The following TGFB2 variants were observed in gnomAD, a reference collection of about 807,000 sequenced individuals.
TGFB2 encodes transforming growth factor beta-2 proprotein.
TGFB2 carries 13 observed loss-of-function variants against 42.7 expected under a neutral mutation model. The observed-to-expected ratio is 0.30, with a 90% CI of 0.20 to 0.48. TGFB2 has a LOEUF of 0.48. Ranked by LOEUF, TGFB2 falls within the 20% of genes least tolerant of loss-of-function variation. The probability of loss-of-function intolerance (pLI) is 0.99; values close to 1 mark genes in which losing one functional copy is unlikely to be tolerated. For missense variants in TGFB2, 390 were observed against 517.5 expected (o/e 0.75, Z 2.39); for synonymous variants, 193 against 193.6 (o/e 1.00, Z 0.03).
intron 1 of TGFB2, among the ~76,000 whole-genome samples, chr1:218,401,327 G>C (rs1658711532): frequency 6.6e-6 from 1 of 151,896 alleles, no homozygotes; most frequent in Non-Finnish European, 1.5e-5. Flanking sequence ...ATTTTCTCAG[G>C]TTTTTTTTCT....
Position 218,392,405 on chromosome 1 carries a change from C to T in TGFB2, c.347-12764C>T, listed in dbSNP as rs546042413. ...AAAACTGGCTTGATCTAAGTAGGAT[C>T]GAGTGGAAAGGGAATAGATCATCTT... On this transcript the variant is annotated intron_variant, in intron 1 of 6. Transcript: ENST00000366930. Among the ~76,000 whole-genome samples the T allele has an allele frequency of 3.3e-5, 5 of 152,206 alleles. No individual in the cohort carries two copies. The East Asian group carries it at 5.8e-4, about 18-fold the overall frequency.
At chr1:218,351,273 A>AT (rs1558222616) in intron 1 of TGFB2, among the ~76,000 whole-genome samples, 1 of 152,234 alleles carries the variant, frequency 6.6e-6, no homozygotes, top group East Asian at 1.9e-4. Flanking sequence ...TTACTATTTT[A>AT]TTTTTTAGGA....
intron 1 of TGFB2, among the ~76,000 whole-genome samples, chr1:218,352,645 T>C (rs1027613833): frequency 2.6e-5 from 4 of 152,214 alleles, no homozygotes; most frequent in Admixed American, 6.5e-5. Context: ...AGCGCTGATA[T>C]CCAGAAGTGG....
chr1:218,434,810 C>T (rs1036810235), intron 4 of TGFB2, among the ~76,000 whole-genome samples: 1 of 152,102 alleles, frequency 6.6e-6, no homozygotes. Flanking sequence ...CATTGATAAT[C>T]CCCCAAACCA....
At chr1:218,355,783 G>T (rs1183031854) in intron 1 of TGFB2, among the ~76,000 whole-genome samples, 1 of 152,124 alleles carries the variant, frequency 6.6e-6, no homozygotes. Context: ...TATTTTATGT[G>T]CCACTAACAA....
chr1:218,389,932 A>G (rs982749172), intron 1 of TGFB2, among the ~76,000 whole-genome samples: 1 of 152,188 alleles, frequency 6.6e-6, no homozygotes, highest in Non-Finnish European at 1.5e-5. Context: ...TTTAGGATAT[A>G]CTTGAGTACA....
At chr1:218,413,259 G>T (rs1035004847) in intron 2 of TGFB2, among the ~76,000 whole-genome samples, 1 of 152,160 alleles carries the variant, frequency 6.6e-6, no homozygotes, top group Non-Finnish European at 1.5e-5. Flanking sequence ...TGTAAACCCA[G>T]CTACTCTGGA....
At chr1:218,363,607 G>T (rs1362455318) in intron 1 of TGFB2, among the ~76,000 whole-genome samples, 1 of 152,166 alleles carries the variant, frequency 6.6e-6, no homozygotes, top group Non-Finnish European at 1.5e-5. Flanking sequence ...CTGATGAATA[G>T]CTTTGAAGTA....
intron 2 of TGFB2, among the ~76,000 whole-genome samples, chr1:218,419,240 A>G (rs928165189): frequency 6.6e-6 from 1 of 151,800 alleles, no homozygotes. Context: ...GCTCTTCCTC[A>G]GACACTGCAC....
In TGFB2 at chr1:218,409,021, C is replaced by T. The variant is rs145559378; in HGVS notation, c.510+3689C>T. ...TCAGGCATTTGATTATCATAAGGAG[C>T]GTGCAACCTAGATCCCTAGCACGTG... On this transcript the variant is annotated intron_variant, in intron 2 of 6. Coordinates refer to ENST00000366930, the MANE Select transcript of TGFB2 (RefSeq NM_003238.6). Among the ~76,000 whole-genome samples, 640 of 152,264 alleles carry T rather than the reference C, an allele frequency of 4.2e-3. 14 individuals are homozygous for T. The highest frequency in any genetic ancestry group is 0.019 in the East Asian group (99 of 5,168).
intron 1 of TGFB2, among the ~76,000 whole-genome samples, chr1:218,398,770 T>A (rs1034548915): frequency 6.6e-6 from 1 of 152,056 alleles, no homozygotes; most frequent in Non-Finnish European, 1.5e-5. Context: ...GTATTTTTAG[T>A]AGAGACGGGG....
intron 2 of TGFB2, among the ~76,000 whole-genome samples, chr1:218,413,530 C>T (rs987574946): frequency 3.3e-5 from 5 of 152,190 alleles, no homozygotes; most frequent in Admixed American, 6.5e-5. Flanking sequence ...CTGAAGCCAC[C>T]GCTAGCATGG....
chr1:218,417,921 T>C (rs1659333665), intron 2 of TGFB2, among the ~76,000 whole-genome samples: 1 of 152,234 alleles, frequency 6.6e-6, no homozygotes, highest in Admixed American at 6.5e-5. Context: ...TGCCTAGATT[T>C]CAGAAGATGT....
At chr1:218,356,983 G>A (rs998493888) in intron 1 of TGFB2, among the ~76,000 whole-genome samples, 2 of 152,034 alleles carry the variant, frequency 1.3e-5, no homozygotes, top group African/African-American at 4.8e-5. Context: ...AGGCTGAGGC[G>A]GGTGGATCAC....
intron 1 of TGFB2, among the ~76,000 whole-genome samples, chr1:218,369,256 G>GGAA (rs1657490733): frequency 2.8e-5 from 1 of 35,646 alleles, no homozygotes; most frequent in East Asian, 1.0e-3. Context: ...TTCCGTCTCA[G>GGAA]AAAAAAAAAA....
chr1:218,418,168 C>G (rs1430804058), intron 2 of TGFB2, among the ~76,000 whole-genome samples: 1 of 152,238 alleles, frequency 6.6e-6, no homozygotes. Context: ...ACACTCAACA[C>G]TAGCCCATAA....
Position 218,437,509 on chromosome 1 carries a change from C to T in TGFB2, c.1086+13C>T, listed in dbSNP as rs760015562. 34 of 1,601,654 alleles carry T rather than the reference C, an allele frequency of 2.1e-5. No individual in the cohort carries two copies. The highest frequency in any genetic ancestry group is 2.7e-5 in the Non-Finnish European group (32 of 1,174,618). The stretch of plus-strand genomic sequence containing the variant: ...TCAGCACAGCAGGGTGAGTGTTCAG[C>T]TTACCTGTTGCCTCTGTTCTTGGGT... On this transcript the variant is annotated intron_variant, in intron 6 of 6. Transcript: ENST00000366930.
Position 218,346,657 on chromosome 1 carries a change from T to TA in TGFB2, c.-44dup, listed in dbSNP as rs758747010. On this transcript the variant is annotated 5_prime_UTR_variant, in exon 1 of 7. Coordinates refer to ENST00000366930, the MANE Select transcript of TGFB2 (RefSeq NM_003238.6). This position sits in a 1 kb window ranked among gnomAD's most constrained non-coding sequence, Gnocchi z 4.9. ...TTGAGAATTGTTGATTTCTTTTTTT[T>TA]ATTCTGACTTTTAAAAACAACTTTT... 1 of 1,500,048 alleles carries TA rather than the reference T, an allele frequency of 6.7e-7. No individual in the cohort carries two copies. Among genetic ancestry groups the TA allele is most frequent in the South Asian group, 1.2e-5 (1 of 81,202 alleles). 92.9% of individuals were successfully genotyped at this position (1,500,048 alleles called of 1,614,324 possible). A position where few individuals can be genotyped will look rare whatever the true frequency, so the allele number is the denominator to read the frequency against.
intron 2 of TGFB2, among the ~76,000 whole-genome samples, 157 bp from the exon 3 acceptor site, chr1:218,433,925 T>G (rs555009425): frequency 9.2e-5 from 14 of 152,366 alleles, no homozygotes; most frequent in African/African-American, 3.4e-4. Context: ...GTGTTGTGTT[T>G]TTATGCATGT....
Sources: allele counts gnomAD v4.1 joint callset (sites outside exome capture counted in the v4.1 genomes callset), GRCh38; gene constraint gnomAD v4.1.1; non-coding constraint Gnocchi (gnomAD v3.1); transcripts MANE v1.5; gene names NCBI Gene and HGNC (gene_info 2026-07-23, HGNC 2026-07-21).